The following SLC41A3 variants were observed in gnomAD, a reference collection of about 807,000 sequenced individuals.
SLC41A3 encodes SLC41A1-like 2.
A neutral mutation model predicts 45.4 loss-of-function variants in SLC41A3; 44 were observed. The observed-to-expected ratio is 0.97, with a 90% confidence interval of 0.76 to 1.25. The LOEUF (loss-of-function observed/expected upper bound fraction) is 1.25. SLC41A3 is among the 50% of genes most tolerant of loss of function. The pLI, the probability that SLC41A3 is intolerant of heterozygous loss-of-function variation, is 0.00. For missense variants in SLC41A3, 550 were observed against 600.6 expected, an observed-to-expected ratio of 0.92 and a Z score of 0.88; for synonymous variants, 256 against 252.4, an observed-to-expected ratio of 1.01 and a Z score of -0.13.
rs1204488129 is a variant in SLC41A3 at position 126,015,505 on chromosome 3, G to A, written c.959C>T (p.Pro320Leu). The A allele has an allele frequency of 2.5e-6, 4 of 1,614,188 alleles. No homozygotes were observed. The highest frequency in any genetic ancestry group is 1.3e-5 in the African/African-American group (1 of 75,050). ...CTTCAAATACGTACCACATATGACG[G>A]GGGTAAATATCGCCATGCCTTTGTA... ...QQYKGMAIFT[P>L]VICGVGGNLV... Residue 320 changes from proline (P) to leucine (L), a missense_variant, in exon 8 of 11, where the codon CCC becomes CTC. Physicochemically the swap from Pro to Leu is moderately conservative, Grantham distance 98 (BLOSUM62 -3). Transcript: ENST00000360370.
upstream of SLC41A3, among the ~76,000 whole-genome samples, chr3:126,087,957 TAA>T (rs750076622): frequency 3.9e-5 from 6 of 152,132 alleles, no homozygotes; most frequent in Non-Finnish European, 7.4e-5. Context: ...TTTAATGTAA[TAA>T]GTTTTAAATT....
chr3:126,100,563 T>G (rs1226409944), intron 1 of SLC41A3, among the ~76,000 whole-genome samples: 1 of 152,192 alleles, frequency 6.6e-6, no homozygotes, highest in Non-Finnish European at 1.5e-5. Flanking sequence ...AAGAAACAGC[T>G]GTGTGCAACT....
intron 2 of SLC41A3, chr3:126,056,636 C>G (rs551286398): frequency 6.7e-7 from 1 of 1,500,394 alleles, no homozygotes; most frequent in Non-Finnish European, 8.9e-7. Flanking sequence ...CACACCAGGA[C>G]GCTGTTCCCA....
intron 1 of SLC41A3, among the ~76,000 whole-genome samples, chr3:126,071,506 C>A (rs1460906479): frequency 6.6e-6 from 1 of 152,114 alleles, no homozygotes; most frequent in Admixed American, 6.5e-5. Context: ...AGAATTTCAA[C>A]AAAAGAAAGA....
chr3:126,056,991 G>A, intron 2 of SLC41A3: 1 of 1,029,334 alleles, frequency 9.7e-7, no homozygotes, highest in African/African-American at 1.7e-5. Flanking sequence ...CCTGGCCTTG[G>A]TGAGTGCCCA....
At chr3:126,071,020 C>G (rs558909388) in intron 1 of SLC41A3, among the ~76,000 whole-genome samples, 2 of 151,812 alleles carry the variant, frequency 1.3e-5, no homozygotes, top group African/African-American at 4.8e-5. Flanking sequence ...AAAGAAATAA[C>G]AAGTGAATAA....
At chr3:126,007,873 C>T (rs1416176428) in intron 10 of SLC41A3, among the ~76,000 whole-genome samples, 2 of 152,246 alleles carry the variant, frequency 1.3e-5, no homozygotes, top group Non-Finnish European at 2.9e-5. Flanking sequence ...CACGGTGCTC[C>T]CTGCAAAGGC....
chr3:126,054,936 G>T (rs543597373), intron 2 of SLC41A3, among the ~76,000 whole-genome samples: 152 of 152,182 alleles, frequency 1.0e-3, no homozygotes, highest in African/African-American at 3.3e-3. Context: ...CTTTCTAATG[G>T]GGGGCTGGCC....
intron 3 of SLC41A3, among the ~76,000 whole-genome samples, chr3:126,040,884 A>C (rs1942548294): frequency 6.6e-6 from 1 of 152,210 alleles, no homozygotes; most frequent in Non-Finnish European, 1.5e-5. Context: ...CAAGCCTCTG[A>C]GTTTGAAACT....
chr3:126,034,540 C>T (rs1008119790), intron 3 of SLC41A3, among the ~76,000 whole-genome samples: 7 of 152,202 alleles, frequency 4.6e-5, no homozygotes, highest in Non-Finnish European at 1.0e-4. Context: ...GGATGCGGCA[C>T]CTGACTGTGG....
chr3:126,101,260 G>C (rs532515076), intron 1 of SLC41A3, among the ~76,000 whole-genome samples: 2 of 152,392 alleles, frequency 1.3e-5, no homozygotes, highest in East Asian at 3.9e-4. Context: ...GCCAGATCCT[G>C]TTGACTAGAA....
chr3:126,058,415 C>T (rs1198429728), intron 2 of SLC41A3, among the ~76,000 whole-genome samples: 1 of 152,194 alleles, frequency 6.6e-6, no homozygotes, highest in African/African-American at 2.4e-5. Context: ...TCTCACTCCA[C>T]CAGTCTCTCA....
intron 6 of SLC41A3, among the ~76,000 whole-genome samples, chr3:126,020,935 C>T (rs1230974374): frequency 6.6e-6 from 1 of 151,510 alleles, no homozygotes; most frequent in Non-Finnish European, 1.5e-5. Flanking sequence ...CTCTCTGTTG[C>T]CCAGGCTGGA....
chr3:126,083,657 C>G (rs1945279397), intron 1 of SLC41A3, among the ~76,000 whole-genome samples: 1 of 152,040 alleles, frequency 6.6e-6, no homozygotes, highest in South Asian at 2.1e-4. Context: ...GACATCCAAC[C>G]AGGAGCCGTG....
intron 4 of SLC41A3, among the ~76,000 whole-genome samples, chr3:126,031,321 C>T (rs1941780502): frequency 6.6e-6 from 1 of 152,198 alleles, no homozygotes; most frequent in Non-Finnish European, 1.5e-5. Context: ...TGTTCATACC[C>T]TTTGAACTTG....
intron 3 of SLC41A3, among the ~76,000 whole-genome samples, chr3:126,045,263 A>G (rs1267913090): frequency 6.6e-6 from 1 of 151,922 alleles, no homozygotes; most frequent in East Asian, 1.9e-4. Flanking sequence ...CACAGAAAGA[A>G]GGAAATAATA....
intron 9 of SLC41A3, among the ~76,000 whole-genome samples, chr3:126,012,010 G>A (rs1237043345): frequency 6.6e-6 from 1 of 152,154 alleles, no homozygotes; most frequent in African/African-American, 2.4e-5. Flanking sequence ...CAACTCCAAG[G>A]CTCTGTCGGA....
At chr3:126,028,338 C>G (rs1941531096) in intron 4 of SLC41A3, among the ~76,000 whole-genome samples, 1 of 152,210 alleles carries the variant, frequency 6.6e-6, no homozygotes, top group Admixed American at 6.5e-5. Context: ...CCCAGTCGCT[C>G]AAGCTCCAGT....
intron 1 of SLC41A3, among the ~76,000 whole-genome samples, chr3:126,069,086 T>C (rs1576351660): frequency 7.0e-6 from 1 of 143,342 alleles, no homozygotes; most frequent in Admixed American, 6.9e-5. Flanking sequence ...GCGAAAGTAA[T>C]TGCAGTTTTT....
Sources: gnomAD v4.1 joint callset for allele counts (sites outside exome capture counted in the v4.1 genomes callset) on GRCh38, gnomAD v4.1.1 for gene constraint, MANE v1.5 for transcripts, NCBI Gene and HGNC (gene_info 2026-07-23, HGNC 2026-07-21) for gene names.